LOC122455340: variants seen among roughly 807,000 people sequenced by gnomAD.
At chr12:53,242,329 G>A in the LOC122455340 span, 1 of 398,406 alleles carries the variant, frequency 2.5e-6, no homozygotes, top group East Asian at 3.6e-5. Context: ...TGCAGTGATA[G>A]CTGTAGCTGT....
the LOC122455340 span, chr12:53,242,444 G>A: frequency 2.5e-6 from 1 of 398,280 alleles, no homozygotes; most frequent in Non-Finnish European, 4.4e-6. Context: ...TCATTTAGGT[G>A]GACTGTTGCC....
the LOC122455340 span, chr12:53,242,577 G>T: frequency 2.5e-6 from 1 of 396,938 alleles, no homozygotes; most frequent in Non-Finnish European, 4.4e-6. Context: ...GAGGCAGCTG[G>T]CTTTCCCCAG....
chr12:53,242,126 C>G, the LOC122455340 span: 8,934 of 401,000 alleles, frequency 0.022, 154 homozygotes, highest in East Asian at 0.071. Flanking sequence ...CTCCCTGCCC[C>G]GCTTGTCCCA....
chr12:53,242,408 A>G, the LOC122455340 span: 1 of 389,284 alleles, frequency 2.6e-6, no homozygotes, highest in African/African-American at 2.2e-5. Context: ...GGGGACAACA[A>G]CGCACTTCTC....
the LOC122455340 span, chr12:53,242,569 G>A: frequency 7.6e-6 from 3 of 397,226 alleles, no homozygotes; most frequent in Non-Finnish European, 1.3e-5. Context: ...AGCAGGTAGA[G>A]GCAGCTGGCT....
chr12:53,242,226 T>C, the LOC122455340 span: 42 of 400,026 alleles, frequency 1.0e-4, no homozygotes, highest in Middle Eastern at 6.2e-4. Flanking sequence ...TGTCTCATGC[T>C]CCGGTCCACC....
the LOC122455340 span, chr12:53,242,526 A>T: frequency 5.0e-6 from 2 of 397,624 alleles, no homozygotes; most frequent in Non-Finnish European, 4.4e-6. Context: ...AGCTGGGTGG[A>T]GTGGGAGAGG....
At chr12:53,242,236 C>G in the LOC122455340 span, 1 of 399,968 alleles carries the variant, frequency 2.5e-6, no homozygotes, top group Admixed American at 4.4e-5. Flanking sequence ...TCCGGTCCAC[C>G]CTTGACCTGC....
chr12:53,242,168 C>G, the LOC122455340 span: 2 of 401,606 alleles, frequency 5.0e-6, no homozygotes, highest in East Asian at 7.1e-5. Flanking sequence ...CCTGCTCTTG[C>G]CCCCGCTGCC....
At chr12:53,242,143 C>T in the LOC122455340 span, 1 of 401,408 alleles carries the variant, frequency 2.5e-6, no homozygotes, top group East Asian at 3.6e-5. Flanking sequence ...CCCAGCCTCC[C>T]GGGCCCACCC....
At chr12:53,242,687 G>A in the LOC122455340 span, 11 of 346,828 alleles carry the variant, frequency 3.2e-5, no homozygotes, top group Non-Finnish European at 5.2e-5. Context: ...GGAATGGAAG[G>A]TGTTCTTCTC....
At chr12:53,242,709 C>G in the LOC122455340 span, 7 of 311,334 alleles carry the variant, frequency 2.2e-5, no homozygotes, top group Admixed American at 1.5e-4. Flanking sequence ...GAGCCTCCCC[C>G]ACGGCCCCTG....
chr12:53,242,224 G>A, the LOC122455340 span: 5 of 399,988 alleles, frequency 1.3e-5, no homozygotes, highest in South Asian at 6.3e-4. Context: ...TGTGTCTCAT[G>A]CTCCGGTCCA....
the LOC122455340 span, chr12:53,242,182 C>T: frequency 7.5e-6 from 3 of 401,558 alleles, no homozygotes; most frequent in South Asian, 3.7e-4. Flanking sequence ...CGCTGCCCTG[C>T]CTGTCCTCCC....
At chr12:53,242,567 G>C in the LOC122455340 span, 6 of 397,274 alleles carry the variant, frequency 1.5e-5, no homozygotes, top group African/African-American at 1.2e-4. Context: ...CAAGCAGGTA[G>C]AGGCAGCTGG....
chr12:53,242,116 C>T, the LOC122455340 span: 19 of 400,694 alleles, frequency 4.7e-5, no homozygotes, highest in African/African-American at 3.3e-4. Context: ...TCTAGTGCAG[C>T]TCCCTGCCCC....
chr12:53,241,946 C>T, the LOC122455340 span: 1 of 399,288 alleles, frequency 2.5e-6, no homozygotes, highest in Non-Finnish European at 4.4e-6. Context: ...TGGGCCTACG[C>T]TTGGGGCCTA....
chr12:53,241,957 G>A, the LOC122455340 span: 13 of 399,028 alleles, frequency 3.3e-5, no homozygotes, highest in Non-Finnish European at 4.9e-5. Context: ...TTGGGGCCTA[G>A]GAATAAGAAG....
the LOC122455340 span, chr12:53,242,064 C>T: frequency 2.5e-6 from 1 of 400,556 alleles, no homozygotes; most frequent in Non-Finnish European, 4.4e-6. Flanking sequence ...CTTCCCCTGC[C>T]ATGGCTGTCC....
Sources: gnomAD v4.1 joint callset for allele counts on GRCh38, gnomAD v4.1.1 for gene constraint, MANE v1.5 for transcripts.